GRM6: variants seen among roughly 807,000 people sequenced by gnomAD.
GRM6 encodes metabotropic glutamate receptor 6.
Under a neutral mutation model 78.4 loss-of-function variants are expected in GRM6, and 73 were observed. That is an observed-to-expected ratio of 0.93 (90% CI 0.77 to 1.13). The LOEUF (loss-of-function observed/expected upper bound fraction) is 1.13. GRM6 is among the 50% of genes most tolerant of loss of function. GRM6 has a pLI of 0.00. For missense variants in GRM6, 1,251 were observed against 1,256.4 expected (o/e 1.00, Z 0.07); for synonymous variants, 580 against 555.0 (o/e 1.05, Z -0.63).
rs2113341769 is a variant in GRM6 at position 178,991,318 on chromosome 5, A to G, written c.857+106T>C. ...AGGGAAGGTGGGGGGTGCGGGGAGCAGGGGAAAGGGAGGCAGGGAGAGTGT... is the reference window on the plus strand; with the variant it reads ...AGGGAAGGTGGGGGGTGCGGGGAGCGGGGGAAAGGGAGGCAGGGAGAGTGT... On this transcript the variant is annotated intron_variant, in intron 4 of 10. Transcript: ENST00000517717. This position sits in a 1 kb window ranked among gnomAD's most constrained non-coding sequence, Gnocchi z 5.0. 1 of 1,108,596 alleles carries G rather than the reference A, an allele frequency of 9.0e-7. No homozygotes were observed. The highest frequency in any genetic ancestry group is 1.4e-6 in the Non-Finnish European group (1 of 729,180). The allele number at this position is 1,108,596 out of a possible 1,614,324, so 68.7% of individuals were successfully genotyped here.
rs2071249 is a variant in GRM6 at position 178,981,834 on chromosome 5, C to A, written c.2457G>T (p.Thr819=). The A allele has an allele frequency of 6.2e-7, 1 of 1,612,170 alleles. No individual in the cohort carries two copies. Among genetic ancestry groups the A allele is most frequent in the Non-Finnish European group, 8.5e-7 (1 of 1,178,276 alleles). ...CACTCAGGCTCAAGGACACGGTTAG[C>A]GTGGTTGTCTGGATGTAGATCTAGG... ...SAEKIYIQTT[T]LTVSLSLSAS... is the part of the protein sequence containing the mutation. Residue 819 remains threonine, a synonymous_variant, in exon 11 of 11, where the codon ACG becomes ACT. Transcript: ENST00000517717. This position sits in a 1 kb window ranked among gnomAD's most constrained non-coding sequence, Gnocchi z 5.1.
rs538813066 is a variant in GRM6 at position 178,985,663 on chromosome 5, A to C, written c.2124+467T>G. On this transcript the variant is annotated intron_variant, in intron 9 of 10. Coordinates refer to ENST00000517717, the MANE Select transcript of GRM6 (RefSeq NM_000843.4). ...GCTTGCAGGGAGCTGAGATAGTGCC[A>C]CTGCACTCCAGCCTGGGCGACACAG... 7.1e-3 allele frequency: 2,813 copies of C among 398,670 alleles called. 23 individuals are homozygous for C. The highest frequency in any genetic ancestry group is 0.011 in the Non-Finnish European group (2,274 of 204,794). The allele number at this position is 398,670 out of a possible 1,614,324, so 24.7% of individuals were successfully genotyped here. A position where few individuals can be genotyped will look rare whatever the true frequency, so the allele number is the denominator to read the frequency against.
chr5:178,990,486 G>T, intron 5 of GRM6, 106 bp downstream of exon 5: 1 of 931,068 alleles, frequency 1.1e-6, no homozygotes, highest in Non-Finnish European at 1.8e-6. Context: ...ATCTGAGAAG[G>T]GATCTGGATT....
At chr5:178,989,220 A>AAGC in intron 6 of GRM6, 45 bp downstream of exon 6, 2 of 817,274 alleles carry the variant, frequency 2.4e-6, no homozygotes, top group Non-Finnish European at 3.6e-6. Flanking sequence ...CACCCTCACC[A>AAGC]CCCTCCCCAC....
Position 178,990,746 on chromosome 5 carries a change from C to G in GRM6, c.858G>C (p.Arg286Ser), listed in dbSNP as rs779149337. The G allele has an allele frequency of 2.2e-5, 34 of 1,563,832 alleles. No homozygotes were observed. The highest frequency in any genetic ancestry group is 2.9e-5 in the Non-Finnish European group (33 of 1,154,998). The change falls in exon 5 of 11, where the codon AGG (arginine) becomes AGC (serine). Residue 286 changes from arginine (R) to serine (S), a missense_variant and splice_region_variant. Transcript: ENST00000517717. Reference protein sequence around the residue: ...IIIFANEDDIRRVLEAARQAN... With the variant: ...IIIFANEDDISRVLEAARQAN... ...CCTGGCGAGCTGCCTCCAGGACCCG[C>G]CTGGTAGGAGCAGGGCTGGGGTGAG...
Position 178,992,191 on chromosome 5 carries a change from G to A in GRM6, c.505-108C>T, listed in dbSNP as rs754936239. On this transcript the variant is annotated intron_variant, in intron 2 of 10. Transcript: ENST00000517717. The surrounding 1 kb of genome is among the most constrained non-coding windows in gnomAD (Gnocchi z 4.9). ...ACGGGGCACAGAAGGTGTGTGGCAT[G>A]GACCTGGGACACAGATGGGAGATGG... 7 of 765,340 alleles carry A rather than the reference G, an allele frequency of 9.1e-6. No homozygotes were observed. The highest frequency in any genetic ancestry group is 8.0e-5 in the Admixed American group (4 of 49,934). 47.4% of individuals were successfully genotyped at this position (765,340 alleles called of 1,614,324 possible).
chr5:178,985,568 T>A (rs1222403878), intron 9 of GRM6: 1 of 338,920 alleles, frequency 3.0e-6, no homozygotes, highest in Admixed American at 4.0e-5. Flanking sequence ...CCGGGCGTGG[T>A]GGCGGGCGCC....
intron 7 of GRM6, 63 bp from the exon 8 acceptor site, chr5:178,987,046 G>A: frequency 6.5e-7 from 1 of 1,546,824 alleles, no homozygotes; most frequent in South Asian, 1.1e-5. Context: ...CTCCTGGGGA[G>A]GCCCCAGGGA....
chr5:178,992,435 C>T lies in GRM6; in HGVS notation c.505-352G>A, dbSNP rs1288057940. 2.4e-6 allele frequency: 1 copy of T among 422,466 alleles called. No individual in the cohort carries two copies. Among genetic ancestry groups the T allele is most frequent in the Non-Finnish European group, 4.7e-6 (1 of 214,656 alleles). The allele number at this position is 422,466 out of a possible 1,614,324, so 26.2% of individuals were successfully genotyped here. A position where few individuals can be genotyped will look rare whatever the true frequency, so the allele number is the denominator to read the frequency against. Reference sequence around the variant, plus strand: ...CCTGCAGCCCATCCAGCTGCATCTGCCTGTCCTAGTCAGGCCCAGGGCAAA... The same window carrying T: ...CCTGCAGCCCATCCAGCTGCATCTGTCTGTCCTAGTCAGGCCCAGGGCAAA... On this transcript the variant is annotated intron_variant, in intron 2 of 10. Coordinates refer to ENST00000517717, the MANE Select transcript of GRM6 (RefSeq NM_000843.4). The surrounding 1 kb of genome is among the most constrained non-coding windows in gnomAD (Gnocchi z 4.9).
Position 178,983,041 on chromosome 5 carries a change from C to T in GRM6, c.2305G>A (p.Ala769Thr), listed in dbSNP as rs1026055540. 19 of 1,614,042 alleles carry T rather than the reference C, an allele frequency of 1.2e-5. No individual in the cohort carries two copies. Among genetic ancestry groups the T allele is most frequent in the East Asian group, 2.2e-5 (1 of 44,890 alleles). Residue 769 changes from alanine (A) to threonine (T), a missense_variant, in exon 10 of 11, where the codon GCC becomes ACC. Physicochemically the swap from Ala to Thr is moderately conservative, Grantham distance 58. Coordinates refer to ENST00000517717, the MANE Select transcript of GRM6 (RefSeq NM_000843.4). Reference sequence around the variant, plus strand: ...TCGGGCACGCCACGGGCCTTGATGGCGTACACTGTGCACGTGACCATGAGC... The same window carrying T: ...TCGGGCACGCCACGGGCCTTGATGGTGTACACTGTGCACGTGACCATGAGC... Reference protein sequence around the residue: ...LLLMVTCTVYAIKARGVPETF... With the variant: ...LLLMVTCTVYTIKARGVPETF...
rs973042524 is a variant in GRM6 at position 178,983,032 on chromosome 5, C to T, written c.2314G>A (p.Ala772Thr). 4 of 1,613,952 alleles carry T rather than the reference C, an allele frequency of 2.5e-6. No homozygotes were observed. Among genetic ancestry groups the T allele is most frequent in the Non-Finnish European group, 3.4e-6 (4 of 1,179,902 alleles). ...TTGAAGGTCTCGGGCACGCCACGGG[C>T]CTTGATGGCGTACACTGTGCACGTG... ...MVTCTVYAIK[A>T]RGVPETFNEA... The change falls in exon 10 of 11, where the codon GCC (alanine) becomes ACC (threonine). Residue 772 changes from alanine (A) to threonine (T), a missense_variant. Transcript: ENST00000517717.
Position 178,979,644 on chromosome 5 carries a change from A to C in GRM6, c.*2013T>G, listed in dbSNP as rs769060622. On this transcript the variant is annotated 3_prime_UTR_variant, in exon 11 of 11. Coordinates refer to ENST00000517717, the MANE Select transcript of GRM6 (RefSeq NM_000843.4). ...GTGCAATCAGTGTAGAAATGCCTCT[A>C]CTAAGAACTGCTTCTGATTCTGAAT... The C allele has an allele frequency of 1.3e-5, 2 of 152,218 alleles. 1 individual carries two copies. Among genetic ancestry groups the C allele is most frequent in the African/African-American group, 4.8e-5 (2 of 41,442 alleles). The allele number at this position is 152,218 out of a possible 1,614,324, so 9.4% of individuals were successfully genotyped here. A position where few individuals can be genotyped will look rare whatever the true frequency, so the allele number is the denominator to read the frequency against.
intron 7 of GRM6, 109 bp from the exon 8 acceptor site, chr5:178,987,092 T>C: frequency 8.8e-7 from 1 of 1,132,194 alleles, no homozygotes; most frequent in Non-Finnish European, 1.3e-6. Context: ...CAAGCATCAC[T>C]GCTCATAAGG....
chr5:178,986,396 C>G lies in GRM6; in HGVS notation c.1858G>C (p.Gly620Arg), dbSNP rs377152747. ...YNNTPIVRAS[G>R]RELSYVLLTG... ...AGGAGGACGTAGCTGAGCTCTCGGC[C>G]CGAGGCCCGGACGATGGGCGTGTTG... Residue 620 changes from glycine (G) to arginine (R), a missense_variant, in exon 9 of 11, where the codon GGC (glycine) becomes CGC (arginine). By Grantham distance (125) the Gly-to-Arg change is moderately radical. Transcript: ENST00000517717. 35 of 1,613,800 alleles carry G rather than the reference C, an allele frequency of 2.2e-5. No homozygotes were observed. Among genetic ancestry groups the G allele is most frequent in the Non-Finnish European group, 2.6e-5 (31 of 1,180,024 alleles).
Position 178,991,711 on chromosome 5 carries a change from C to T in GRM6, c.722-152G>A, listed in dbSNP as rs765100833. 6.0e-6 allele frequency: 7 copies of T among 1,167,774 alleles called. No individual in the cohort carries two copies. The highest frequency in any genetic ancestry group is 3.7e-5 in the South Asian group (3 of 80,654). The allele number at this position is 1,167,774 out of a possible 1,614,324, so 72.3% of individuals were successfully genotyped here. On this transcript the variant is annotated intron_variant, in intron 3 of 10. Transcript: ENST00000517717. The surrounding 1 kb of genome is among the most constrained non-coding windows in gnomAD (Gnocchi z 5.0). ...CGCCAAGCCTGAGGCAGGGCTGAGT[C>T]GTCCAAAACAAAGAGGTCCCGCCCA...
intron 9 of GRM6, chr5:178,983,594 C>T (rs745638839): frequency 2.4e-6 from 1 of 410,116 alleles, no homozygotes; most frequent in South Asian, 1.9e-5. Flanking sequence ...TGGCCGGAAG[C>T]TCTGGAACTG....
At position 178,991,150 on chromosome 5, in the gene GRM6, A is replaced by C. The variant is rs1320698576; in HGVS notation, c.857+274T>G. 6.6e-6 allele frequency among the ~76,000 whole-genome samples: 1 copy of C among 152,012 alleles called. No individual in the cohort carries two copies. The highest frequency in any genetic ancestry group is 2.4e-5 in the African/African-American group (1 of 41,382). ...TCCCTCACAGCTCATTTTCTGCACTAGGTTCTGCCCACAGGTCCCTCCCCG... is the reference window on the plus strand; with the variant it reads ...TCCCTCACAGCTCATTTTCTGCACTCGGTTCTGCCCACAGGTCCCTCCCCG... On this transcript the variant is annotated intron_variant, in intron 4 of 10. Transcript: ENST00000517717. The surrounding 1 kb of genome is among the most constrained non-coding windows in gnomAD (Gnocchi z 5.0).
At position 178,980,250 on chromosome 5, in the gene GRM6, T is replaced by C. The variant is rs889755634; in HGVS notation, c.*1407A>G. 1 of 154,510 alleles carries C rather than the reference T, an allele frequency of 6.5e-6. No individual in the cohort carries two copies. Among genetic ancestry groups the C allele is most frequent in the Middle Eastern group, 5.2e-4 (1 of 1,926 alleles). 9.6% of individuals were successfully genotyped at this position (154,510 alleles called of 1,614,324 possible). A position where few individuals can be genotyped will look rare whatever the true frequency, so the allele number is the denominator to read the frequency against. On this transcript the variant is annotated 3_prime_UTR_variant, in exon 11 of 11. Transcript: ENST00000517717. This position sits in a 1 kb window ranked among gnomAD's most constrained non-coding sequence, Gnocchi z 4.3. ...AATGTATACTGATCTTAAACAGTGG[T>C]CAATTTAACAAATGTAAATTCTACT... is the stretch of plus-strand genomic sequence containing the variant.
rs983410542 is a variant in GRM6, at chr5:178,991,085, G to A, written c.857+339C>T. 7.9e-5 allele frequency among the ~76,000 whole-genome samples: 12 copies of A among 152,082 alleles called. No homozygotes were observed. The highest frequency in any genetic ancestry group is 1.7e-4 in the African/African-American group (7 of 41,416). ...AGATGAACTCGGGCCGGTGGGTCTC[G>A]GGCTGGGGTCCGCAGCCTCTGTATG... is the stretch of plus-strand genomic sequence containing the variant. On this transcript the variant is annotated intron_variant, in intron 4 of 10. Coordinates refer to ENST00000517717, the MANE Select transcript of GRM6 (RefSeq NM_000843.4). The surrounding 1 kb of genome is among the most constrained non-coding windows in gnomAD (Gnocchi z 5.0).
Sources: allele counts gnomAD v4.1 joint callset (sites outside exome capture counted in the v4.1 genomes callset), GRCh38; gene constraint gnomAD v4.1.1; non-coding constraint Gnocchi (gnomAD v3.1); transcripts MANE v1.5; gene names NCBI Gene and HGNC (gene_info 2026-07-23, HGNC 2026-07-21).